The following PELI2 variants were observed in gnomAD, a reference collection of about 807,000 sequenced individuals.
The protein encoded by PELI2 is pellino E3 ubiquitin protein ligase family member 2.
PELI2 carries 23 observed loss-of-function variants against 42.3 expected under a neutral mutation model. That is an observed-to-expected ratio of 0.54 (90% CI 0.39 to 0.77). The LOEUF (loss-of-function observed/expected upper bound fraction) is 0.77, where lower values mean the gene tolerates loss of function less well. PELI2 is among the 30% of genes least tolerant of loss of function. PELI2 has a pLI of 0.00. For synonymous variants in PELI2, 245 were observed against 212.2 expected, an observed-to-expected ratio of 1.15 and a Z score of -1.34; for missense variants, 463 against 553.2, an observed-to-expected ratio of 0.84 and a Z score of 1.64.
At chr14:56,140,098 T>G (rs1883846714) in intron 1 of PELI2, among the ~76,000 whole-genome samples, 1 of 151,976 alleles carries the variant, frequency 6.6e-6, no homozygotes, top group South Asian at 2.1e-4. Context: ...CTCTGTTGAT[T>G]ATAGCTAAAT....
chr14:56,205,160 C>T (rs1886472595), intron 2 of PELI2, among the ~76,000 whole-genome samples: 2 of 152,134 alleles, frequency 1.3e-5, no homozygotes, highest in South Asian at 4.1e-4. Context: ...CATGGGGACC[C>T]TGTGGGGTGC....
Position 56,137,334 on chromosome 14 carries a change from A to G in PELI2, c.77+18597A>G, listed in dbSNP as rs574982257. Among the ~76,000 whole-genome samples the G allele has an allele frequency of 2.0e-5, 3 of 152,296 alleles. No homozygotes were observed. The Middle Eastern group carries it at 0.01, about 518-fold the overall frequency. ...GAAAAAAATGAGCTTTTTGGACCAC[A>G]TAGCATGTCATTGCTCTGCCTCTGG... is the stretch of plus-strand genomic sequence containing the variant. On this transcript the variant is annotated intron_variant, in intron 1 of 5. Transcript: ENST00000267460.
At chr14:56,128,247 G>A (rs960354578) in intron 1 of PELI2, among the ~76,000 whole-genome samples, 15 of 152,142 alleles carry the variant, frequency 9.9e-5, no homozygotes, top group Admixed American at 9.2e-4. Flanking sequence ...TGCCCCCCAG[G>A]GGTACACAGT....
chr14:56,216,484 A>T (rs1886909425), intron 2 of PELI2, among the ~76,000 whole-genome samples: 1 of 152,282 alleles, frequency 6.6e-6, no homozygotes, highest in Non-Finnish European at 1.5e-5. Context: ...CATACCCAAC[A>T]AGACATAGGC....
intron 2 of PELI2, among the ~76,000 whole-genome samples, chr14:56,240,693 C>T (rs1372225201): frequency 1.3e-5 from 2 of 152,028 alleles, no homozygotes; most frequent in African/African-American, 4.8e-5. Flanking sequence ...AACGGAGTAG[C>T]TCTAGAAGAG....
chr14:56,265,338 A>G (rs900560707), intron 2 of PELI2, among the ~76,000 whole-genome samples: 4 of 152,120 alleles, frequency 2.6e-5, no homozygotes, highest in Non-Finnish European at 5.9e-5. Flanking sequence ...ATATATGGAC[A>G]TGGTTTTTGA....
rs981352888 is a variant in PELI2, at chr14:56,219,525, C to G, written c.207+41061C>G. Among the ~76,000 whole-genome samples the G allele has an allele frequency of 1.3e-5, 2 of 152,292 alleles. No individual in the cohort carries two copies. The highest frequency in any genetic ancestry group is 6.8e-3 in the Middle Eastern group (2 of 294). ...CATAGCTCTCTCATCTGAGCAGCCT[C>G]TCCCTCAATCTTACAAACAGTAGGC... On this transcript the variant is annotated intron_variant, in intron 2 of 5. Transcript: ENST00000267460. This position sits in a 1 kb window ranked among gnomAD's most constrained non-coding sequence, Gnocchi z 4.1.
chr14:56,240,234 G>T (rs1207078624), intron 2 of PELI2, among the ~76,000 whole-genome samples: 1 of 152,158 alleles, frequency 6.6e-6, no homozygotes, highest in Non-Finnish European at 1.5e-5. Context: ...AGACTGGAGG[G>T]CAGGAGACCT....
chr14:56,170,265 A>G (rs550589206), intron 1 of PELI2, among the ~76,000 whole-genome samples: 94 of 152,312 alleles, frequency 6.2e-4, no homozygotes, highest in African/African-American at 2.2e-3. Flanking sequence ...TGGAGCCCAC[A>G]TCGCTTCCAT....
At position 56,160,684 on chromosome 14, in the gene PELI2, G is replaced by A. The variant is rs115252547; in HGVS notation, c.78-17651G>A. On this transcript the variant is annotated intron_variant, in intron 1 of 5. Transcript: ENST00000267460. ...CATATCAAAGCCAGTAGTTAACCTA[G>A]CAATGACAGCCTCCACCTTTCTTAG... Among the ~76,000 whole-genome samples, 1,125 of 152,300 alleles carry A rather than the reference G, an allele frequency of 7.4e-3. 19 individuals are homozygous for A. Among genetic ancestry groups the A allele is most frequent in the African/African-American group, 0.026 (1,067 of 41,570 alleles).
chr14:56,259,424 A>G (rs1031735175), intron 2 of PELI2, among the ~76,000 whole-genome samples: 3 of 152,178 alleles, frequency 2.0e-5, no homozygotes, highest in Non-Finnish European at 4.4e-5. Context: ...AAATGACAGC[A>G]GCATCAAGGA....
At chr14:56,232,959 A>G (rs1361757680) in intron 2 of PELI2, among the ~76,000 whole-genome samples, 2 of 151,880 alleles carry the variant, frequency 1.3e-5, no homozygotes, top group African/African-American at 2.4e-5. Flanking sequence ...TCCTATACCA[A>G]TAAGACAAAC....
At chr14:56,245,933 AC>A (rs1888136422) in intron 2 of PELI2, among the ~76,000 whole-genome samples, 1 of 152,176 alleles carries the variant, frequency 6.6e-6, no homozygotes, top group Admixed American at 6.5e-5. Context: ...TATGTAAGAG[AC>A]TTGAGCATCC....
intron 2 of PELI2, among the ~76,000 whole-genome samples, chr14:56,278,511 T>G (rs1035125343): frequency 2.0e-5 from 3 of 152,322 alleles, no homozygotes; most frequent in East Asian, 3.9e-4. Context: ...GAAGTATTTT[T>G]TAGATTCCTG....
At chr14:56,255,653 G>A (rs1284613690) in intron 2 of PELI2, among the ~76,000 whole-genome samples, 2 of 152,052 alleles carry the variant, frequency 1.3e-5, no homozygotes, top group Admixed American at 1.3e-4. Context: ...AGTGGGGTTG[G>A]GGGAAGGTGG....
intron 2 of PELI2, among the ~76,000 whole-genome samples, chr14:56,268,862 C>T (rs1196492575): frequency 6.6e-6 from 1 of 152,106 alleles, no homozygotes; most frequent in East Asian, 1.9e-4. Context: ...GATCTGCACC[C>T]CTGCTGCATC....
intron 1 of PELI2, among the ~76,000 whole-genome samples, chr14:56,153,627 A>G (rs776840004): frequency 2.4e-4 from 37 of 152,368 alleles, no homozygotes; most frequent in Non-Finnish European, 5.0e-4. Flanking sequence ...AAAGAATTAA[A>G]TATATCCATG....
chr14:56,189,369 G>C (rs1226679160), intron 2 of PELI2, among the ~76,000 whole-genome samples: 2 of 152,196 alleles, frequency 1.3e-5, no homozygotes, highest in Non-Finnish European at 2.9e-5. Context: ...ATACTTCAAA[G>C]ATTATGTAGG....
intron 2 of PELI2, among the ~76,000 whole-genome samples, chr14:56,186,023 C>T (rs746097705): frequency 7.9e-5 from 12 of 152,028 alleles, no homozygotes; most frequent in Non-Finnish European, 1.3e-4. Context: ...GGTCATGAGA[C>T]TTAAAATAGG....
Sources: allele counts gnomAD v4.1 joint callset (sites outside exome capture counted in the v4.1 genomes callset), GRCh38; gene constraint gnomAD v4.1.1; non-coding constraint Gnocchi (gnomAD v3.1); transcripts MANE v1.5; gene names NCBI Gene and HGNC (gene_info 2026-07-23, HGNC 2026-07-21).